PPM1E: variants seen among roughly 807,000 people sequenced by gnomAD.
The protein encoded by PPM1E is protein phosphatase, Mg2+/Mn2+ dependent 1E.
In PPM1E, 20 loss-of-function variants were observed where a neutral mutation model predicts 65.9. That is an observed-to-expected ratio of 0.30 (90% CI 0.21 to 0.44). PPM1E has a LOEUF of 0.44. Ranked by LOEUF, PPM1E falls within the 20% of genes least tolerant of loss-of-function variation. The pLI, the probability that PPM1E is intolerant of heterozygous loss-of-function variation, is 1.00. For missense variants in PPM1E, 713 were observed against 953.1 expected (o/e 0.75, Z 3.32); for synonymous variants, 352 against 374.9 (o/e 0.94, Z 0.70).
chr17:58,893,265 T>C (rs571420641), intron 1 of PPM1E, among the ~76,000 whole-genome samples: 1 of 152,298 alleles, frequency 6.6e-6, no homozygotes, highest in East Asian at 1.9e-4. Flanking sequence ...CAATGGAATA[T>C]TATTTAGCAC....
chr17:58,758,059 C>T (rs765035272), intron 1 of PPM1E, among the ~76,000 whole-genome samples: 18 of 152,176 alleles, frequency 1.2e-4, no homozygotes, highest in Non-Finnish European at 2.1e-4. Flanking sequence ...CAGACTGGCT[C>T]TATCTTGACA....
chr17:58,772,338 C>T (rs907763412), intron 1 of PPM1E, among the ~76,000 whole-genome samples: 1 of 151,874 alleles, frequency 6.6e-6, no homozygotes, highest in Admixed American at 6.6e-5. Flanking sequence ...CGCCTGTAGC[C>T]CCAGCTACTC....
At chr17:58,924,410 G>A (rs1485568580) in intron 1 of PPM1E, among the ~76,000 whole-genome samples, 1 of 151,992 alleles carries the variant, frequency 6.6e-6, no homozygotes, top group Non-Finnish European at 1.5e-5. Context: ...ATTTAGCTGG[G>A]TGTGGTGGCA....
intron 1 of PPM1E, among the ~76,000 whole-genome samples, chr17:58,891,219 G>T (rs543895887): frequency 2.6e-5 from 4 of 152,088 alleles, no homozygotes; most frequent in Non-Finnish European, 5.9e-5. Context: ...GCCTGCCTTG[G>T]CCTCCCAAAG....
At chr17:58,949,119 A>T (rs2052202205) in intron 1 of PPM1E, among the ~76,000 whole-genome samples, 1 of 152,138 alleles carries the variant, frequency 6.6e-6, no homozygotes, top group Admixed American at 6.5e-5. Context: ...CTGTTATTGT[A>T]TTGGCATCTG....
At chr17:58,766,242 C>G (rs2049876745) in intron 1 of PPM1E, among the ~76,000 whole-genome samples, 1 of 137,116 alleles carries the variant, frequency 7.3e-6, no homozygotes, top group African/African-American at 2.7e-5. Context: ...CGCTCTGCTG[C>G]CCAGGCTGGA....
At chr17:58,847,062 T>G (rs916597188) in intron 1 of PPM1E, among the ~76,000 whole-genome samples, 11 of 152,346 alleles carry the variant, frequency 7.2e-5, no homozygotes, top group African/African-American at 2.6e-4. Context: ...GCTGCATAAA[T>G]GTCTTTTTTT....
chr17:58,842,192 A>G (rs992210772), intron 1 of PPM1E, among the ~76,000 whole-genome samples: 2 of 152,200 alleles, frequency 1.3e-5, no homozygotes, highest in Non-Finnish European at 2.9e-5. Flanking sequence ...ATACCTGACC[A>G]GAACTCTTTA....
chr17:58,956,174 C>T (rs536508197), intron 2 of PPM1E, among the ~76,000 whole-genome samples: 37 of 152,286 alleles, frequency 2.4e-4, no homozygotes, highest in African/African-American at 8.2e-4. Flanking sequence ...CAGTGGCTCA[C>T]ACCCGTAATC....
intron 1 of PPM1E, among the ~76,000 whole-genome samples, chr17:58,925,419 A>T (rs1380680798): frequency 2.0e-5 from 3 of 151,718 alleles, no homozygotes; most frequent in Non-Finnish European, 4.4e-5. Flanking sequence ...CAATTTTTGA[A>T]GGGGCTGTTT....
intron 1 of PPM1E, among the ~76,000 whole-genome samples, chr17:58,929,045 A>T (rs1406537715): frequency 1.3e-5 from 2 of 152,194 alleles, no homozygotes; most frequent in Non-Finnish European, 2.9e-5. Context: ...TCATGGCCCC[A>T]AAGTGGATAC....
At chr17:58,865,258 G>A (rs1321520987) in intron 1 of PPM1E, among the ~76,000 whole-genome samples, 9 of 151,990 alleles carry the variant, frequency 5.9e-5, no homozygotes, top group African/African-American at 2.2e-4. Context: ...GTGGTGGCAG[G>A]CGCCTGTAGT....
chr17:58,941,469 C>T (rs1041887740), intron 1 of PPM1E, among the ~76,000 whole-genome samples: 3 of 151,256 alleles, frequency 2.0e-5, no homozygotes, highest in Non-Finnish European at 3.0e-5. Context: ...CTGAGGTTGG[C>T]GGGTCATGAG....
chr17:58,950,966 G>A (rs960155806), intron 1 of PPM1E, among the ~76,000 whole-genome samples: 3 of 151,940 alleles, frequency 2.0e-5, no homozygotes, highest in Non-Finnish European at 2.9e-5. Context: ...TTTTAGTAGA[G>A]ACGGGGTTTC....
intron 1 of PPM1E, among the ~76,000 whole-genome samples, chr17:58,859,506 A>G (rs35082010): frequency 0.18 from 27,989 of 152,212 alleles, 2,736 homozygotes; most frequent in Non-Finnish European, 0.21. Flanking sequence ...ATTGCTAGGA[A>G]GGCTTATTAC....
intron 1 of PPM1E, among the ~76,000 whole-genome samples, chr17:58,880,191 G>GTTTTATTCCT (rs1357225829): frequency 2.6e-5 from 4 of 152,160 alleles, no homozygotes; most frequent in African/African-American, 9.7e-5. Flanking sequence ...GGATAAGGAT[G>GTTTTATTCCT]TTTTATTCCT....
At chr17:58,953,746 C>CTTTT (rs71145508) in intron 1 of PPM1E, among the ~76,000 whole-genome samples, 3 of 138,206 alleles carry the variant, frequency 2.2e-5, no homozygotes, top group Admixed American at 7.3e-5. Context: ...ATATTTCCAT[C>CTTTT]TTTTTTTTTT....
chr17:58,799,426 C>T (rs114881599), intron 1 of PPM1E, among the ~76,000 whole-genome samples: 1,873 of 150,936 alleles, frequency 0.012, 16 homozygotes, highest in Middle Eastern at 0.038. Context: ...GGACCACAGG[C>T]GTGTGCCACC....
intron 1 of PPM1E, among the ~76,000 whole-genome samples, chr17:58,823,376 G>T (rs2050500058): frequency 6.6e-6 from 1 of 152,174 alleles, no homozygotes; most frequent in African/African-American, 2.4e-5. Context: ...GCACAGGAAT[G>T]GTTTCTCAGG....
Sources: gnomAD v4.1 joint callset for allele counts (sites outside exome capture counted in the v4.1 genomes callset) on GRCh38, gnomAD v4.1.1 for gene constraint, MANE v1.5 for transcripts, NCBI Gene and HGNC (gene_info 2026-07-23, HGNC 2026-07-21) for gene names.